The following ADAM17 variants were observed in gnomAD, a reference collection of about 807,000 sequenced individuals.
The protein encoded by ADAM17 is disintegrin and metalloproteinase domain-containing protein 17.
Under a neutral mutation model 96.7 loss-of-function variants are expected in ADAM17, and 39 were observed. That is an observed-to-expected ratio of 0.40 (90% CI 0.31 to 0.53). The LOEUF (loss-of-function observed/expected upper bound fraction) is 0.53. Among genes scored for constraint, ADAM17 ranks in the 20% least tolerant of loss-of-function variants. ADAM17 has a pLI of 0.44. For missense variants in ADAM17, 777 were observed against 1,013.2 expected (o/e 0.77, Z 3.17); for synonymous variants, 344 against 359.2 (o/e 0.96, Z 0.48).
At chr2:9,494,918 A>G in intron 14 of ADAM17, 151 bp from the exon 15 acceptor site, 1 of 898,262 alleles carries the variant, frequency 1.1e-6, no homozygotes, top group Non-Finnish European at 1.6e-6. Context: ...AGCCCCCACC[A>G]AGGAGTAGTT....
At chr2:9,530,437 G>A (rs577231191) in intron 4 of ADAM17, among the ~76,000 whole-genome samples, 1 of 152,272 alleles carries the variant, frequency 6.6e-6, no homozygotes, top group East Asian at 1.9e-4. Flanking sequence ...TACCTAACTT[G>A]AAGATTATGA....
At chr2:9,533,931 A>G (rs938528283) in intron 4 of ADAM17, among the ~76,000 whole-genome samples, 15 of 152,250 alleles carry the variant, frequency 9.9e-5, no homozygotes, top group African/African-American at 3.6e-4. Context: ...AAGCCCTCGC[A>G]CAGCCTAGAC....
At position 9,490,379 on chromosome 2, in the gene ADAM17, C is replaced by T; in HGVS notation, c.2273G>A (p.Arg758Lys). 6.2e-7 allele frequency: 1 copy of T among 1,614,184 alleles called. No homozygotes were observed. Among genetic ancestry groups the T allele is most frequent in the Non-Finnish European group, 8.5e-7 (1 of 1,180,036 alleles). Residue 758 changes from arginine to lysine, a missense_variant, in exon 19 of 19, where the codon AGA (arginine) becomes AAA (lysine). Arg to Lys is a conservative substitution (Grantham distance 26). This residue lies in a region of ADAM17 where 197 missense variants were observed against 219.4 expected (regional missense o/e 0.90). Coordinates refer to ENST00000310823, the MANE Select transcript of ADAM17 (RefSeq NM_003183.6). Reference sequence around the variant, plus strand: ...GGGGTCTTCCTGGATGGTGTCCATTCTCTGGTGGTCCAGTTTTGGAGCTGC... The same window carrying T: ...GGGGTCTTCCTGGATGGTGTCCATTTTCTGGTGGTCCAGTTTTGGAGCTGC... Reference protein sequence around the residue: ...APAAPKLDHQRMDTIQEDPST... With the variant: ...APAAPKLDHQKMDTIQEDPST...
chr2:9,517,864 A>T, intron 10 of ADAM17, 37 bp downstream of exon 10: 1 of 1,395,944 alleles, frequency 7.2e-7, no homozygotes, highest in Non-Finnish European at 9.7e-7. Flanking sequence ...ACTACAATAA[A>T]CTCTAACACT....
In ADAM17 at chr2:9,533,597, C is replaced by T. The variant is rs551226887; in HGVS notation, c.450+2237G>A. 3.3e-5 allele frequency among the ~76,000 whole-genome samples: 5 copies of T among 152,310 alleles called. No individual in the cohort carries two copies. In the South Asian group the frequency reaches 1.0e-3, roughly 32 times the overall value. ...CTAAGGAAATAAGCAGACATATGCA[C>T]TGCAGCAAAAACAATGCTGTGCATT... On this transcript the variant is annotated intron_variant, in intron 4 of 18. Transcript: ENST00000310823.
chr2:9,520,925 T>C lies in ADAM17; in HGVS notation c.957+278A>G, dbSNP rs13021128. On this transcript the variant is annotated intron_variant, in intron 8 of 18. Coordinates refer to ENST00000310823, the MANE Select transcript of ADAM17 (RefSeq NM_003183.6). ...GTTGCGGTGAGCCAAGATCACGCCA[T>C]TGCCCTCCAGCCAGGGCAACAAGAG... 0.55 allele frequency among the ~76,000 whole-genome samples: 72,197 copies of C among 131,058 alleles called. 21,772 individuals carry two copies. Among genetic ancestry groups the C allele is most frequent in the Middle Eastern group, 0.75 (199 of 266 alleles). The allele number at this position is 131,058 out of a possible 152,430, so 86.0% of individuals were successfully genotyped here. A position where few individuals can be genotyped will look rare whatever the true frequency, so the allele number is the denominator to read the frequency against.
At chr2:9,532,644 T>A (rs1664795745) in intron 4 of ADAM17, among the ~76,000 whole-genome samples, 1 of 147,942 alleles carries the variant, frequency 6.8e-6, no homozygotes, top group Non-Finnish European at 1.5e-5. Context: ...GCTAATTTTT[T>A]TTTTTTTTTT....
At chr2:9,495,860 CTTT>C (rs34087915) in intron 14 of ADAM17, among the ~76,000 whole-genome samples, 6 of 138,656 alleles carry the variant, frequency 4.3e-5, no homozygotes, top group Non-Finnish European at 7.8e-5. Flanking sequence ...TACGTGTTAC[CTTT>C]TTTTTTTTTT....
intron 12 of ADAM17, among the ~76,000 whole-genome samples, chr2:9,504,455 A>G (rs1331284949): frequency 6.7e-6 from 1 of 149,338 alleles, no homozygotes; most frequent in African/African-American, 2.5e-5. Context: ...AAATAAATAA[A>G]TAAATTAAAT....
At chr2:9,514,492 A>C in intron 10 of ADAM17, among the ~76,000 whole-genome samples, 1 of 138,886 alleles carries the variant, frequency 7.2e-6, no homozygotes, top group Non-Finnish European at 1.5e-5. Flanking sequence ...GTGCACATGT[A>C]TCCTAGAACT....
At chr2:9,524,108 A>G (rs1048311955) in intron 6 of ADAM17, among the ~76,000 whole-genome samples, 2 of 151,866 alleles carry the variant, frequency 1.3e-5, no homozygotes, top group African/African-American at 4.8e-5. Flanking sequence ...GTAAGAACAC[A>G]GTAATAATAC....
At position 9,510,056 on chromosome 2, in the gene ADAM17, A is replaced by G; in HGVS notation, c.1267T>C (p.Cys423Arg). ...AEHDPDGLAE[C>R]APNEDQGGKY... is the part of the protein sequence containing the mutation. The stretch of plus-strand genomic sequence containing the variant: ...CCTCCCTGGTCCTCATTCGGGGCAC[A>G]TTCTGCTAGACCATCCGGATCATGT... Residue 423 changes from cysteine (C) to arginine (R), a missense_variant, in exon 11 of 19, where the codon TGT becomes CGT. Around this residue, in one of 3 missense-constraint regions of ADAM17, gnomAD observed 446 missense variants for 664.7 expected, o/e 0.67. Coordinates refer to ENST00000310823, the MANE Select transcript of ADAM17 (RefSeq NM_003183.6). The G allele has an allele frequency of 6.2e-7, 1 of 1,614,172 alleles. No individual in the cohort carries two copies. Among genetic ancestry groups the G allele is most frequent in the Non-Finnish European group, 8.5e-7 (1 of 1,180,008 alleles).
intron 1 of ADAM17, among the ~76,000 whole-genome samples, chr2:9,551,520 C>A (rs1027377006): frequency 6.6e-6 from 1 of 152,088 alleles, no homozygotes; most frequent in African/African-American, 2.4e-5. Context: ...AGTGCAGTGG[C>A]GCGATCTCGG....
intron 2 of ADAM17, among the ~76,000 whole-genome samples, chr2:9,540,201 T>C (rs1665151978): frequency 6.6e-6 from 1 of 152,246 alleles, no homozygotes; most frequent in Admixed American, 6.5e-5. Context: ...CTTTTCATTT[T>C]ATAGTTTCCT....
At chr2:9,535,177 T>C (rs79302602) in intron 4 of ADAM17, among the ~76,000 whole-genome samples, 23 of 152,320 alleles carry the variant, frequency 1.5e-4, no homozygotes, top group Middle Eastern at 3.4e-3. Flanking sequence ...TTTTGACCAA[T>C]CTTACTCAGT....
intron 7 of ADAM17, 50 bp from the exon 8 acceptor site, chr2:9,521,366 A>C (rs1451759854): frequency 2.2e-6 from 3 of 1,341,670 alleles, no homozygotes; most frequent in Non-Finnish European, 3.2e-6. Flanking sequence ...ATAAGTCAGA[A>C]GGCTCTGAAT....
At chr2:9,501,269 CAA>C (rs1175071398) in intron 13 of ADAM17, among the ~76,000 whole-genome samples, 1 of 151,936 alleles carries the variant, frequency 6.6e-6, no homozygotes, top group Non-Finnish European at 1.5e-5. Context: ...AAAGTAAGAA[CAA>C]GAGATTACTT....
In ADAM17 at chr2:9,490,097, A is replaced by G. The variant is rs1232724474; in HGVS notation, c.*80T>C. 1 of 1,326,106 alleles carries G rather than the reference A, an allele frequency of 7.5e-7. No individual in the cohort carries two copies. The highest frequency in any genetic ancestry group is 1.0e-6 in the Non-Finnish European group (1 of 980,644). The allele number at this position is 1,326,106 out of a possible 1,614,324, so 82.1% of individuals were successfully genotyped here. ...GCTAAGTCACTTCCCAGTCTTCACA[A>G]AATACAAGCTGTGATTGATTTGTAG... On this transcript the variant is annotated 3_prime_UTR_variant, in exon 19 of 19. Coordinates refer to ENST00000310823, the MANE Select transcript of ADAM17 (RefSeq NM_003183.6).
intron 14 of ADAM17, among the ~76,000 whole-genome samples, chr2:9,495,557 A>T (rs9710804): frequency 6.6e-6 from 1 of 151,866 alleles, no homozygotes; most frequent in East Asian, 1.9e-4. Flanking sequence ...TACTAAAAAT[A>T]AAAAAAATTA....
Sources: allele counts gnomAD v4.1 joint callset (sites outside exome capture counted in the v4.1 genomes callset), GRCh38; gene constraint gnomAD v4.1.1; regional missense constraint gnomAD v4.1.1; transcripts MANE v1.5; gene names NCBI Gene and HGNC (gene_info 2026-07-23, HGNC 2026-07-21).